HEATR4: variants seen among roughly 807,000 people sequenced by gnomAD.
The protein encoded by HEATR4 is HEAT repeat-containing protein 4.
A neutral mutation model predicts 108.8 loss-of-function variants in HEATR4; 95 were observed. That is an observed-to-expected ratio of 0.87 (90% CI 0.74 to 1.04). The LOEUF is 1.04. Ranked by LOEUF, HEATR4 falls within the 50% of genes least tolerant of loss-of-function variation. The pLI is 0.00. For missense variants in HEATR4, 1,152 were observed against 1,253.8 expected (o/e 0.92, Z 1.23); for synonymous variants, 443 against 459.4 (o/e 0.96, Z 0.46).
chr14:73,565,835 C>T, the HEATR4 span, among the ~76,000 whole-genome samples: 4 of 151,962 alleles, frequency 2.6e-5, no homozygotes, highest in East Asian at 1.9e-4. Context: ...TTGCAAAGAA[C>T]GAAAGAACAA....
At chr14:73,612,477 C>T in the HEATR4 span, 1 of 868,680 alleles carries the variant, frequency 1.2e-6, no homozygotes, top group East Asian at 3.3e-5. Flanking sequence ...GTGTTAAGGG[C>T]TCCGCCCTCG....
the HEATR4 span, among the ~76,000 whole-genome samples, chr14:73,598,592 C>T: frequency 2.0e-5 from 3 of 150,590 alleles, no homozygotes; most frequent in Admixed American, 1.3e-4. Context: ...TTGGGACAGG[C>T]GCTGTGGCTC....
At chr14:73,585,794 A>G in the HEATR4 span, among the ~76,000 whole-genome samples, 11 of 148,882 alleles carry the variant, frequency 7.4e-5, no homozygotes, top group African/African-American at 2.2e-4. Flanking sequence ...AAAAAAAAGT[A>G]TAGGAGACCA....
At chr14:73,627,311 C>A in the HEATR4 span, among the ~76,000 whole-genome samples, 1 of 152,032 alleles carries the variant, frequency 6.6e-6, no homozygotes, top group African/African-American at 2.4e-5. Flanking sequence ...CAGCAGACAC[C>A]AGCTGGGTGT....
intron 1 of HEATR4, among the ~76,000 whole-genome samples, chr14:73,538,978 C>CAAAAACA (rs1888979243): frequency 8.7e-6 from 1 of 115,120 alleles, no homozygotes; most frequent in African/African-American, 2.8e-5. Context: ...AAAACAAAAA[C>CAAAAACA]AAAAACAAAA....
At chr14:73,589,387 T>C in the HEATR4 span, among the ~76,000 whole-genome samples, 4 of 152,176 alleles carry the variant, frequency 2.6e-5, no homozygotes, top group East Asian at 1.9e-4. Flanking sequence ...TGGTATGATC[T>C]CAGCTTACTG....
At chr14:73,528,392 CAAAAAAAAA>C (rs371875141) in intron 2 of HEATR4, among the ~76,000 whole-genome samples, 10 of 88,496 alleles carry the variant, frequency 1.1e-4, no homozygotes, top group African/African-American at 4.3e-4. Context: ...AACTTCATCT[CAAAAAAAAA>C]AAAAAAAAAA....
At chr14:73,626,838 G>T in the HEATR4 span, among the ~76,000 whole-genome samples, 1 of 96,314 alleles carries the variant, frequency 1.0e-5, no homozygotes, top group Non-Finnish European at 1.9e-5. Flanking sequence ...TGCTATTGTT[G>T]CCCAGGCTAG....
chr14:73,620,136 T>G, the HEATR4 span, among the ~76,000 whole-genome samples: 1 of 152,112 alleles, frequency 6.6e-6, no homozygotes, highest in African/African-American at 2.4e-5. Flanking sequence ...GGTCTTGAAC[T>G]CCTGCCTCAG....
the HEATR4 span, among the ~76,000 whole-genome samples, chr14:73,586,638 G>C: frequency 1.3e-5 from 2 of 151,714 alleles, no homozygotes; most frequent in Non-Finnish European, 2.9e-5. Context: ...CCCAGGAGGT[G>C]GAGGTTGCAG....
the HEATR4 span, among the ~76,000 whole-genome samples, chr14:73,597,201 C>T: frequency 6.6e-6 from 1 of 151,952 alleles, no homozygotes; most frequent in Non-Finnish European, 1.5e-5. Flanking sequence ...CTCCCTGCCT[C>T]AGCCTCCCAA....
the HEATR4 span, chr14:73,569,666 G>C: frequency 1.2e-6 from 2 of 1,607,456 alleles, no homozygotes; most frequent in East Asian, 4.5e-5. Flanking sequence ...CCATGGGGCT[G>C]CTCTGGGCCT....
the HEATR4 span, chr14:73,617,295 G>A: frequency 2.0e-6 from 3 of 1,483,144 alleles, no homozygotes; most frequent in African/African-American, 1.4e-5. Context: ...AAACATGCCA[G>A]GAGATACCAA....
Position 73,492,757 on chromosome 14 carries a change from A to G in HEATR4, c.2844+309T>C. ...AAAACTCCCGTGTGTATCATCTGGA[A>G]GAACCCAAGTGCTTGGAAATATACC... On this transcript the variant is annotated intron_variant, in intron 17 of 17. Transcript: ENST00000553558. This position sits in a 1 kb window ranked among gnomAD's most constrained non-coding sequence, Gnocchi z 4.9. 2 of 1,613,956 alleles carry G rather than the reference A, an allele frequency of 1.2e-6. No homozygotes were observed. Among genetic ancestry groups the G allele is most frequent in the East Asian group, 4.5e-5 (2 of 44,882 alleles).
the HEATR4 span, among the ~76,000 whole-genome samples, chr14:73,615,082 C>A: frequency 2.4e-5 from 3 of 122,914 alleles, no homozygotes; most frequent in African/African-American, 9.6e-5. Flanking sequence ...GAGCAAGACT[C>A]CATCTCAAAA....
chr14:73,563,844 G>A (rs2140326036), upstream of HEATR4, among the ~76,000 whole-genome samples: 1 of 152,000 alleles, frequency 6.6e-6, no homozygotes, highest in African/African-American at 2.4e-5. Context: ...GGCCATGCAT[G>A]CCTGTAATCT....
the HEATR4 span, among the ~76,000 whole-genome samples, chr14:73,570,700 T>G: frequency 1.3e-5 from 2 of 151,686 alleles, no homozygotes; most frequent in Non-Finnish European, 2.9e-5. Flanking sequence ...AGGTCAGGAG[T>G]TCGAGACCAG....
At chr14:73,509,866 A>ATATATT (rs1566832362) in intron 7 of HEATR4, among the ~76,000 whole-genome samples, 6 of 67,504 alleles carry the variant, frequency 8.9e-5, no homozygotes, top group Admixed American at 1.5e-4. Context: ...ATATATATAT[A>ATATATT]TATTTATTTA....
the HEATR4 span, among the ~76,000 whole-genome samples, chr14:73,566,651 C>A: frequency 4.6e-5 from 7 of 152,014 alleles, no homozygotes; most frequent in African/African-American, 1.7e-4. Flanking sequence ...CAAGCCCATG[C>A]CCACCTGGAA....
Sources: gnomAD v4.1 joint callset for allele counts (sites outside exome capture counted in the v4.1 genomes callset) on GRCh38, gnomAD v4.1.1 for gene constraint, Gnocchi (gnomAD v3.1) non-coding constraint, MANE v1.5 for transcripts, NCBI Gene and HGNC (gene_info 2026-07-23, HGNC 2026-07-21) for gene names.